Variants in IRS2 observed in about 807,000 individuals in gnomAD.
IRS2 encodes insulin receptor substrate 2.
Under a neutral mutation model 70.9 loss-of-function variants are expected in IRS2, and 28 were observed. The observed-to-expected ratio is 0.39, with a 90% CI of 0.29 to 0.54. IRS2 has a LOEUF of 0.54. Ranked by LOEUF, IRS2 falls within the 20% of genes least tolerant of loss-of-function variation. The pLI is 0.59. For missense variants in IRS2, 2,081 were observed against 2,024.1 expected, an observed-to-expected ratio of 1.03 and a Z score of -0.54; for synonymous variants, 1,217 against 981.9, an observed-to-expected ratio of 1.24 and a Z score of -4.48.
chr13:109,785,626 AC>A lies in IRS2; in HGVS notation c.427del (p.Val143SerfsTer58). The stretch of plus-strand genomic sequence containing the variant: ...TCCGGCGGCCGCGCGGCCCTCGCTG[AC>A]CAGGTCGGTGAGCGCGCGGTACCAG... ...EGWYRALTDLVSEGRAAAGDA... is the reference protein window; with the variant it reads ...EGWYRALTDLXSEGRAAAGDA... On this transcript the variant is annotated frameshift_variant, in exon 1 of 2. Transcript: ENST00000375856. LOFTEE classifies it high-confidence loss of function. This position sits in a 1 kb window ranked among gnomAD's most constrained non-coding sequence, Gnocchi z 9.3. 1 of 1,513,604 alleles carries A rather than the reference AC, an allele frequency of 6.6e-7. No individual in the cohort carries two copies. Among genetic ancestry groups the A allele is most frequent in the Non-Finnish European group, 8.8e-7 (1 of 1,134,498 alleles). 93.8% of individuals were successfully genotyped at this position (1,513,604 alleles called of 1,614,324 possible).
chr13:109,770,191 G>A (rs1253688974), intron 1 of IRS2, among the ~76,000 whole-genome samples: 1 of 152,148 alleles, frequency 6.6e-6, no homozygotes, highest in Non-Finnish European at 1.5e-5. Context: ...TGGCTGGCAG[G>A]AAAGGAGGGG....
intron 1 of IRS2, among the ~76,000 whole-genome samples, chr13:109,778,134 C>G (rs989363579): frequency 6.6e-6 from 1 of 152,194 alleles, no homozygotes; most frequent in Admixed American, 6.5e-5. Context: ...TTAAAACACT[C>G]TTGATGTTTA....
chr13:109,783,139 C>A lies in IRS2; in HGVS notation c.2915G>T (p.Arg972Leu). 1 of 1,382,630 alleles carries A rather than the reference C, an allele frequency of 7.2e-7. No individual in the cohort carries two copies. The highest frequency in any genetic ancestry group is 3.0e-5 in the East Asian group (1 of 33,752). 85.6% of individuals were successfully genotyped at this position (1,382,630 alleles called of 1,614,324 possible). Residue 972 changes from arginine (R) to leucine (L), a missense_variant, in exon 1 of 2, where the codon CGG becomes CTG. This residue lies in a region of IRS2 where 1,615 missense variants were observed against 1,459.5 expected (regional missense o/e 1.11). Transcript: ENST00000375856. Reference protein sequence around the residue: ...TPGTSSDSRQRSPLSDYMNLD... With the variant: ...TPGTSSDSRQLSPLSDYMNLD... Reference sequence around the variant, plus strand: ...GTTCATGTAGTCGGAGAGCGGAGACCGCTGCCGGCTGTCGCTGCTGGTGCC... The same window carrying A: ...GTTCATGTAGTCGGAGAGCGGAGACAGCTGCCGGCTGTCGCTGCTGGTGCC...
chr13:109,768,329 A>G (rs1438275173), intron 1 of IRS2, among the ~76,000 whole-genome samples: 1 of 152,230 alleles, frequency 6.6e-6, no homozygotes, highest in Non-Finnish European at 1.5e-5. Context: ...AAATAACTGC[A>G]CACAGTTGGC....
At chr13:109,768,733 G>A (rs1055192091) in intron 1 of IRS2, among the ~76,000 whole-genome samples, 1 of 151,758 alleles carries the variant, frequency 6.6e-6, no homozygotes, top group Non-Finnish European at 1.5e-5. Flanking sequence ...TTTAAATGAC[G>A]GCTGTGTGTT....
chr13:109,759,213 C>T (rs1566404569), intron 1 of IRS2, among the ~76,000 whole-genome samples: 2 of 152,176 alleles, frequency 1.3e-5, no homozygotes. Flanking sequence ...CCTCCTTTCA[C>T]GGTAAAGCGA....
chr13:109,775,982 T>C (rs968526326), intron 1 of IRS2, among the ~76,000 whole-genome samples: 1 of 151,986 alleles, frequency 6.6e-6, no homozygotes, highest in African/African-American at 2.4e-5. Flanking sequence ...ATCCCATCTC[T>C]ACTAAAAATA....
At position 109,783,721 on chromosome 13, in the gene IRS2, C is replaced by T. The variant is rs1471195201; in HGVS notation, c.2333G>A (p.Gly778Asp). The T allele has an allele frequency of 6.3e-7, 1 of 1,575,784 alleles. No individual in the cohort carries two copies. The highest frequency in any genetic ancestry group is 1.2e-5 in the South Asian group (1 of 86,654). ...NVSPSDAVTT[G>D]TPPDFFSAAL... ...TGCGGAGAAGAAGTCGGGCGGGGTG[C>T]CCGTGGTGACCGCGTCGCTGGGGGA... The change falls in exon 1 of 2, where the codon GGC (glycine) becomes GAC (aspartate). Residue 778 changes from glycine (G) to aspartate (D), a missense_variant. Physicochemically the swap from Gly to Asp is moderately conservative, Grantham distance 94. This residue lies in a region of IRS2 where 1,615 missense variants were observed against 1,459.5 expected (regional missense o/e 1.11). Coordinates refer to ENST00000375856, the MANE Select transcript of IRS2 (RefSeq NM_003749.3).
Position 109,784,817 on chromosome 13 carries a change from CG to C in IRS2, c.1236del (p.Ser414AlafsTer130). On this transcript the variant is annotated frameshift_variant, in exon 1 of 2. Coordinates refer to ENST00000375856, the MANE Select transcript of IRS2 (RefSeq NM_003749.3). LOFTEE classifies it high-confidence loss of function. This position sits in a 1 kb window ranked among gnomAD's most constrained non-coding sequence, Gnocchi z 5.2. ...SHTLSGGCGG[R>X]GSKVALLPAG... ...GCCGGCAGCAGCGCCACCTTGCTCC[CG>C]CGGCCGCCGCAGCCGCCGCTCAGGG... is the stretch of plus-strand genomic sequence containing the variant. 1.6e-6 allele frequency: 2 copies of C among 1,266,142 alleles called. No homozygotes were observed. The highest frequency in any genetic ancestry group is 3.3e-5 in the Admixed American group (1 of 30,192). The allele number at this position is 1,266,142 out of a possible 1,614,324, so 78.4% of individuals were successfully genotyped here. A position where few individuals can be genotyped will look rare whatever the true frequency, so the allele number is the denominator to read the frequency against.
At chr13:109,764,126 T>G (rs1877285580) in intron 1 of IRS2, among the ~76,000 whole-genome samples, 1 of 152,232 alleles carries the variant, frequency 6.6e-6, no homozygotes, top group South Asian at 2.1e-4. Context: ...AGGCTCTCTT[T>G]GCAGAGATCA....
At chr13:109,777,275 A>G (rs1877599738) in intron 1 of IRS2, among the ~76,000 whole-genome samples, 1 of 152,214 alleles carries the variant, frequency 6.6e-6, no homozygotes, top group Non-Finnish European at 1.5e-5. Context: ...CAAAACAAAC[A>G]AACAAAAACC....
At chr13:109,769,790 T>A (rs749195636) in intron 1 of IRS2, among the ~76,000 whole-genome samples, 6 of 152,242 alleles carry the variant, frequency 3.9e-5, no homozygotes, top group Non-Finnish European at 8.8e-5. Flanking sequence ...ATTGCTCAAA[T>A]GGATGAAGTA....
chr13:109,760,566 G>A (rs968236410), intron 1 of IRS2, among the ~76,000 whole-genome samples: 3 of 152,202 alleles, frequency 2.0e-5, no homozygotes, highest in Non-Finnish European at 2.9e-5. Flanking sequence ...TATCCACTCC[G>A]CATCTCCTTT....
rs1877778863 is a variant in IRS2 at position 109,783,219 on chromosome 13, G to A, written c.2835C>T (p.Ser945=). ...APPLLASAAS[S]SSLLSASSPA... is the part of the protein sequence containing the mutation. Reference sequence around the variant, plus strand: ...GGCTGCTGGCGGACAAGAGCGAGGAGGACGAGGCCGCCGACGCCAGCAGGG... The same window carrying A: ...GGCTGCTGGCGGACAAGAGCGAGGAAGACGAGGCCGCCGACGCCAGCAGGG... The change falls in exon 1 of 2, where the codon TCC becomes TCT. Residue 945 remains serine, a synonymous_variant. Transcript: ENST00000375856. 3 of 1,438,338 alleles carry A rather than the reference G, an allele frequency of 2.1e-6. No homozygotes were observed. The highest frequency in any genetic ancestry group is 2.8e-5 in the South Asian group (2 of 72,026). The allele number at this position is 1,438,338 out of a possible 1,614,324, so 89.1% of individuals were successfully genotyped here. A position where few individuals can be genotyped will look rare whatever the true frequency, so the allele number is the denominator to read the frequency against.
intron 1 of IRS2, among the ~76,000 whole-genome samples, chr13:109,758,358 C>A (rs948482212): frequency 1.3e-5 from 2 of 152,214 alleles, no homozygotes; most frequent in African/African-American, 4.8e-5. Flanking sequence ...TTGACACTAA[C>A]AATTAGCTAA....
In IRS2 at chr13:109,770,434, A is replaced by T. The variant is rs889195196; in HGVS notation, c.4012+11608T>A. ...ATCTAGGAATCGGGATAGCAGCAGA[A>T]TCAAAGCTACTATTTTTCAGAGAAG... On this transcript the variant is annotated intron_variant, in intron 1 of 1. Coordinates refer to ENST00000375856, the MANE Select transcript of IRS2 (RefSeq NM_003749.3). Among the ~76,000 whole-genome samples, 16 of 152,312 alleles carry T rather than the reference A, an allele frequency of 1.1e-4. No homozygotes were observed. In the East Asian group the frequency reaches 3.1e-3, roughly 29 times the overall value.
At chr13:109,780,887 C>T (rs1877680744) in intron 1 of IRS2, among the ~76,000 whole-genome samples, 1 of 152,188 alleles carries the variant, frequency 6.6e-6, no homozygotes, top group Non-Finnish European at 1.5e-5. Flanking sequence ...CCCCAAACAC[C>T]ATTCAAAGTT....
rs2138936598 is a variant in IRS2, at chr13:109,784,698, G to A, written c.1356C>T (p.Ser452=). 6 of 1,231,588 alleles carry A rather than the reference G, an allele frequency of 4.9e-6. No homozygotes were observed. Among genetic ancestry groups the A allele is most frequent in the South Asian group, 7.6e-5 (2 of 26,296 alleles). The allele number at this position is 1,231,588 out of a possible 1,614,324, so 76.3% of individuals were successfully genotyped here. A position where few individuals can be genotyped will look rare whatever the true frequency, so the allele number is the denominator to read the frequency against. ...GCGGGTAGGAGCCCGAGCCGTGGCC[G>A]CTGCTGGACGACAGGGAGCCGGGGC... ...ATSPGSLSSS[S]GHGSGSYPPP... is the part of the protein sequence containing the mutation. Residue 452 remains serine (S), a synonymous_variant, in exon 1 of 2, where the codon AGC becomes AGT. Transcript: ENST00000375856. The surrounding 1 kb of genome is among the most constrained non-coding windows in gnomAD (Gnocchi z 5.2).
At position 109,754,660 on chromosome 13, in the gene IRS2, A is replaced by T. The variant is rs1877064254; in HGVS notation, c.*1644T>A. 1 of 199,324 alleles carries T rather than the reference A, an allele frequency of 5.0e-6. No individual in the cohort carries two copies. The highest frequency in any genetic ancestry group is 2.3e-5 in the African/African-American group (1 of 43,504). 12.3% of individuals were successfully genotyped at this position (199,324 alleles called of 1,614,324 possible). Reference sequence around the variant, plus strand: ...TGTTCAGGGAGATCACTTTACATTCAACTTTGTCTTGCAATACAATCCTCT... The same window carrying T: ...TGTTCAGGGAGATCACTTTACATTCTACTTTGTCTTGCAATACAATCCTCT... On this transcript the variant is annotated 3_prime_UTR_variant, in exon 2 of 2. Coordinates refer to ENST00000375856, the MANE Select transcript of IRS2 (RefSeq NM_003749.3).
Sources: allele counts gnomAD v4.1 joint callset (sites outside exome capture counted in the v4.1 genomes callset), GRCh38; gene constraint gnomAD v4.1.1; regional missense constraint gnomAD v4.1.1; non-coding constraint Gnocchi (gnomAD v3.1); transcripts MANE v1.5; gene names NCBI Gene and HGNC (gene_info 2026-07-23, HGNC 2026-07-21).